The following MAML3 variants were observed in gnomAD, a reference collection of about 807,000 sequenced individuals.
The protein encoded by MAML3 is mastermind like transcriptional coactivator 3, also known as mastermind-like protein 3.
A neutral mutation model predicts 101.9 loss-of-function variants in MAML3; 27 were observed. That is an observed-to-expected ratio of 0.27 (90% CI 0.20 to 0.37). The LOEUF (loss-of-function observed/expected upper bound fraction) is 0.37. Ranked by LOEUF, MAML3 falls within the 10% of genes least tolerant of loss-of-function variation. MAML3 has a pLI of 1.00. For missense variants in MAML3, 1,316 were observed against 1,444.9 expected, an observed-to-expected ratio of 0.91 and a Z score of 1.45; for synonymous variants, 501 against 555.9, an observed-to-expected ratio of 0.90 and a Z score of 1.39.
intron 2 of MAML3, among the ~76,000 whole-genome samples, chr4:139,741,895 C>G (rs4561878): frequency 0.84 from 127,687 of 151,848 alleles, 54,340 homozygotes; most frequent in Non-Finnish European, 0.92. Flanking sequence ...TTAAAACGCC[C>G]TATTGTCATT....
In MAML3 at chr4:139,889,816, T is replaced by C. The variant is rs2111197392; in HGVS notation, c.1620A>G (p.Pro540=). 3.1e-6 allele frequency: 5 copies of C among 1,613,972 alleles called. No homozygotes were observed. The East Asian group carries it at 1.1e-4, about 36-fold the overall frequency. Reference sequence around the variant, plus strand: ...TGTTAAAGGCTTGGGGGTACATCATTGGGCTATTTGGTTTTTCTGCAGTAA... The same window carrying C: ...TGTTAAAGGCTTGGGGGTACATCATCGGGCTATTTGGTTTTTCTGCAGTAA... ...AAFTAEKPNS[P]MMYPQAFNNQ... is the part of the protein sequence containing the mutation. Residue 540 remains proline (P), a synonymous_variant, in exon 2 of 5, where the codon CCA becomes CCG. Transcript: ENST00000509479.
At chr4:140,114,254 T>C (rs1484653634) in intron 1 of MAML3, among the ~76,000 whole-genome samples, 1 of 152,230 alleles carries the variant, frequency 6.6e-6, no homozygotes, top group Non-Finnish European at 1.5e-5. Context: ...TCTTATCACA[T>C]CACGCTGTGG....
chr4:140,010,239 C>T lies in MAML3; in HGVS notation c.469-119272G>A, dbSNP rs548507624. On this transcript the variant is annotated intron_variant, in intron 1 of 4. Coordinates refer to ENST00000509479, the MANE Select transcript of MAML3 (RefSeq NM_018717.5). Reference sequence around the variant, plus strand: ...GTTCTAGACTTTATTGAAATGGGCTCATTTCACTTGATCCTAACCTGCATA... The same window carrying T: ...GTTCTAGACTTTATTGAAATGGGCTTATTTCACTTGATCCTAACCTGCATA... Among the ~76,000 whole-genome samples, 22 of 152,270 alleles carry T rather than the reference C, an allele frequency of 1.4e-4. 1 individual carries two copies. Among genetic ancestry groups the T allele is most frequent in the African/African-American group, 5.3e-4 (22 of 41,572 alleles).
intron 2 of MAML3, among the ~76,000 whole-genome samples, chr4:139,774,706 A>G (rs550372118): frequency 9.2e-5 from 14 of 152,296 alleles, no homozygotes; most frequent in African/African-American, 2.9e-4. Context: ...GAACTAATAG[A>G]AGATTTATGA....
At chr4:139,966,187 T>G (rs1734127231) in intron 1 of MAML3, among the ~76,000 whole-genome samples, 1 of 152,188 alleles carries the variant, frequency 6.6e-6, no homozygotes, top group South Asian at 2.1e-4. Context: ...CCTGCTTGCT[T>G]TCATTGTATT....
chr4:139,788,506 C>T (rs1284638819), intron 2 of MAML3, among the ~76,000 whole-genome samples: 1 of 152,200 alleles, frequency 6.6e-6, no homozygotes, highest in East Asian at 1.9e-4. Flanking sequence ...GAGAACCTCA[C>T]ATCTGACAGA....
chr4:139,877,698 G>A (rs1258414874), intron 2 of MAML3, among the ~76,000 whole-genome samples: 1 of 152,206 alleles, frequency 6.6e-6, no homozygotes. Flanking sequence ...AAATAGCCAT[G>A]AGCTTGCTTC....
At chr4:139,787,085 C>G (rs1311000986) in intron 2 of MAML3, among the ~76,000 whole-genome samples, 1 of 152,206 alleles carries the variant, frequency 6.6e-6, no homozygotes, top group African/African-American at 2.4e-5. Flanking sequence ...TGCCACTGAG[C>G]CTTTTTGTTC....
intron 1 of MAML3, among the ~76,000 whole-genome samples, chr4:139,923,152 C>T (rs192261299): frequency 7.2e-5 from 11 of 152,268 alleles, no homozygotes; most frequent in Middle Eastern, 3.4e-3. Context: ...TGGCCTTGTA[C>T]CCTAGACTTG....
intron 2 of MAML3, among the ~76,000 whole-genome samples, chr4:139,765,404 T>A (rs1051096642): frequency 6.6e-6 from 1 of 152,240 alleles, no homozygotes; most frequent in Non-Finnish European, 1.5e-5. Flanking sequence ...AAAAAGGAAC[T>A]GCAATTAGGG....
chr4:139,886,091 A>G (rs920670334), intron 2 of MAML3, among the ~76,000 whole-genome samples: 1 of 152,054 alleles, frequency 6.6e-6, no homozygotes, highest in Non-Finnish European at 1.5e-5. Context: ...TCACTAATTT[A>G]GCTAAAATTT....
chr4:139,830,429 T>G (rs1731140746), intron 2 of MAML3, among the ~76,000 whole-genome samples: 1 of 149,430 alleles, frequency 6.7e-6, no homozygotes, highest in Non-Finnish European at 1.5e-5. Flanking sequence ...TTTTTTTTTT[T>G]TTTGAGACGG....
chr4:139,951,668 C>T (rs1043758693), intron 1 of MAML3, among the ~76,000 whole-genome samples: 2 of 152,016 alleles, frequency 1.3e-5, no homozygotes, highest in African/African-American at 4.8e-5. Flanking sequence ...CTCGGCAGCT[C>T]TGTGAACTGC....
At chr4:139,857,508 T>G (rs1314087489) in intron 2 of MAML3, among the ~76,000 whole-genome samples, 3 of 152,194 alleles carry the variant, frequency 2.0e-5, no homozygotes. Flanking sequence ...GCTCTGTTGA[T>G]TCTCAGAATC....
At chr4:139,949,599 G>A (rs1389117813) in intron 1 of MAML3, among the ~76,000 whole-genome samples, 2 of 152,156 alleles carry the variant, frequency 1.3e-5, no homozygotes, top group African/African-American at 4.8e-5. Flanking sequence ...TGAATATTAT[G>A]TTGTACTTTT....
chr4:140,091,175 A>G (rs1728040066), intron 1 of MAML3, among the ~76,000 whole-genome samples: 1 of 152,212 alleles, frequency 6.6e-6, no homozygotes, highest in Non-Finnish European at 1.5e-5. Flanking sequence ...TGAAGTCTGC[A>G]TAGCAAAAAG....
chr4:139,963,266 C>A (rs554579922), intron 1 of MAML3, among the ~76,000 whole-genome samples: 5 of 152,142 alleles, frequency 3.3e-5, no homozygotes, highest in African/African-American at 9.7e-5. Context: ...AACTAACTAA[C>A]TAAATAAATA....
At chr4:140,099,024 C>G (rs191792761) in intron 1 of MAML3, among the ~76,000 whole-genome samples, 2 of 152,074 alleles carry the variant, frequency 1.3e-5, no homozygotes, top group Admixed American at 6.5e-5. Context: ...ACAATAGGCT[C>G]TTTGTTTACA....
chr4:139,974,401 G>A (rs547651832), intron 1 of MAML3, among the ~76,000 whole-genome samples: 12 of 151,982 alleles, frequency 7.9e-5, no homozygotes, highest in Non-Finnish European at 1.3e-4. Flanking sequence ...CACCGCGCCC[G>A]GCCATTTAAT....
Sources: gnomAD v4.1 joint callset for allele counts (sites outside exome capture counted in the v4.1 genomes callset) on GRCh38, gnomAD v4.1.1 for gene constraint, MANE v1.5 for transcripts, NCBI Gene and HGNC (gene_info 2026-07-23, HGNC 2026-07-21) for gene names.